Variants in TACR1 observed in about 807,000 individuals in gnomAD.
The protein encoded by TACR1 is substance-P receptor.
A neutral mutation model predicts 35.8 loss-of-function variants in TACR1; 25 were observed. That is an observed-to-expected ratio of 0.70 (90% confidence interval 0.51 to 0.98). The LOEUF (loss-of-function observed/expected upper bound fraction) is 0.98, where lower values mean the gene tolerates loss of function less well. TACR1 is among the 50% of genes least tolerant of loss of function. The pLI, the probability that TACR1 is intolerant of heterozygous loss-of-function variation, is 0.00. For synonymous variants in TACR1, 195 were observed against 206.7 expected, an observed-to-expected ratio of 0.94 and a Z score of 0.48; for missense variants, 478 against 522.9, an observed-to-expected ratio of 0.91 and a Z score of 0.84.
intron 1 of TACR1, among the ~76,000 whole-genome samples, chr2:75,184,118 A>C (rs765759070): frequency 2.0e-5 from 3 of 152,206 alleles, no homozygotes; most frequent in Non-Finnish European, 2.9e-5. Flanking sequence ...TAGTAAGTAA[A>C]TCTAATAGTG....
chr2:75,052,890 G>A (rs933047079), intron 3 of TACR1, among the ~76,000 whole-genome samples: 2 of 151,994 alleles, frequency 1.3e-5, no homozygotes, highest in Admixed American at 6.6e-5. Flanking sequence ...GAAGGCCCTC[G>A]AGAAGTTGCA....
Position 75,051,312 on chromosome 2 carries a change from T to A in TACR1, c.871A>T (p.Met291Leu). Residue 291 changes from methionine to leucine, a missense_variant, in exon 4 of 5, where the codon ATG becomes TTG. Met to Leu is a conservative substitution (Grantham distance 15). Coordinates refer to ENST00000305249, the MANE Select transcript of TACR1 (RefSeq NM_001058.4). The part of the protein sequence containing the change: ...KFIQQVYLAI[M>L]WLAMSSTMYN... ...ATGGTGGAGCTCATGGCCAGCCACA[T>A]GATGGCCAGGTAGACCTGCTGGATA... is the stretch of plus-strand genomic sequence containing the variant. 1 of 1,614,210 alleles carries A rather than the reference T, an allele frequency of 6.2e-7. No individual in the cohort carries two copies. The highest frequency in any genetic ancestry group is 8.5e-7 in the Non-Finnish European group (1 of 1,180,028).
At chr2:75,129,712 C>A (rs965828403) in intron 1 of TACR1, among the ~76,000 whole-genome samples, 2 of 152,196 alleles carry the variant, frequency 1.3e-5, no homozygotes, top group African/African-American at 4.8e-5. Flanking sequence ...TTGGGCCTGG[C>A]AGGCTATGTA....
intron 1 of TACR1, among the ~76,000 whole-genome samples, chr2:75,184,803 G>A (rs1008976889): frequency 2.0e-5 from 3 of 151,474 alleles, no homozygotes; most frequent in East Asian, 1.9e-4. Flanking sequence ...TAAAAAATGT[G>A]TGGGATCTAT....
chr2:75,123,293 T>G (rs1674007954), intron 1 of TACR1, among the ~76,000 whole-genome samples: 1 of 152,222 alleles, frequency 6.6e-6, no homozygotes, highest in Admixed American at 6.5e-5. Flanking sequence ...TACATTGCCC[T>G]CTTTTAATAT....
intron 2 of TACR1, among the ~76,000 whole-genome samples, chr2:75,056,984 A>C (rs1672580755): frequency 2.0e-5 from 3 of 152,206 alleles, no homozygotes; most frequent in African/African-American, 7.2e-5. Context: ...AACATCATTC[A>C]CGACAGCTAA....
intron 2 of TACR1, among the ~76,000 whole-genome samples, chr2:75,093,262 C>G (rs1673342840): frequency 6.6e-6 from 1 of 152,164 alleles, no homozygotes; most frequent in Non-Finnish European, 1.5e-5. Context: ...TACCTGAACA[C>G]TAAAAATTTA....
chr2:75,188,536 G>GT (rs1239952461), intron 1 of TACR1: 1 of 152,216 alleles, frequency 6.6e-6, no homozygotes, highest in Non-Finnish European at 1.5e-5. Flanking sequence ...TTAGGGCACT[G>GT]GGCTGAGCTG....
At chr2:75,080,524 C>T (rs944407590) in intron 2 of TACR1, among the ~76,000 whole-genome samples, 5 of 152,118 alleles carry the variant, frequency 3.3e-5, no homozygotes, top group African/African-American at 1.2e-4. Flanking sequence ...TTGAATTGCC[C>T]ATTATATAAG....
intron 2 of TACR1, among the ~76,000 whole-genome samples, chr2:75,066,978 C>CA (rs1200352846): frequency 1.3e-5 from 2 of 151,296 alleles, no homozygotes; most frequent in South Asian, 2.1e-4. Context: ...CCTCGTCTTA[C>CA]AAAAAAAAGG....
At chr2:75,182,835 C>T (rs1312514012) in intron 1 of TACR1, among the ~76,000 whole-genome samples, 1 of 152,156 alleles carries the variant, frequency 6.6e-6, no homozygotes, top group African/African-American at 2.4e-5. Flanking sequence ...CCCAATGACG[C>T]ATTTCTCAGA....
chr2:75,169,263 A>G (rs1293540371), intron 1 of TACR1, among the ~76,000 whole-genome samples: 1 of 152,080 alleles, frequency 6.6e-6, no homozygotes, highest in East Asian at 1.9e-4. Flanking sequence ...TGTTTCGTTT[A>G]TTCCTCCTTT....
chr2:75,125,184 C>A (rs753417472), intron 1 of TACR1, among the ~76,000 whole-genome samples: 12 of 151,272 alleles, frequency 7.9e-5, no homozygotes, highest in Non-Finnish European at 1.6e-4. Context: ...TTTTTCTATT[C>A]TTTCTTTTTT....
intron 2 of TACR1, among the ~76,000 whole-genome samples, chr2:75,055,199 A>T (rs1370786338): frequency 6.6e-6 from 1 of 152,226 alleles, no homozygotes; most frequent in African/African-American, 2.4e-5. Context: ...CTTTGTAGAT[A>T]CTGTTTGCTT....
chr2:75,170,314 G>A (rs1675246051), intron 1 of TACR1, among the ~76,000 whole-genome samples: 1 of 152,208 alleles, frequency 6.6e-6, no homozygotes, highest in Admixed American at 6.5e-5. Flanking sequence ...TGCCATGTAA[G>A]ACATGACTTT....
At chr2:75,157,268 T>C (rs1424770292) in intron 1 of TACR1, among the ~76,000 whole-genome samples, 1 of 152,066 alleles carries the variant, frequency 6.6e-6, no homozygotes, top group Non-Finnish European at 1.5e-5. Context: ...AAATTCCCTT[T>C]CCTTTCATTT....
At chr2:75,188,338 C>T (rs1219135907) in intron 1 of TACR1, 1 of 152,172 alleles carries the variant, frequency 6.6e-6, no homozygotes, top group Non-Finnish European at 1.5e-5. Context: ...GGTATTTAAG[C>T]TTATGCTCCT....
intron 1 of TACR1, among the ~76,000 whole-genome samples, chr2:75,171,631 G>A (rs1203925879): frequency 6.6e-6 from 1 of 152,192 alleles, no homozygotes; most frequent in Non-Finnish European, 1.5e-5. Flanking sequence ...ACCCTGCAAA[G>A]CCACAGGAGC....
chr2:75,098,349 A>C (rs1441274167), intron 2 of TACR1, among the ~76,000 whole-genome samples: 1 of 152,160 alleles, frequency 6.6e-6, no homozygotes, highest in African/African-American at 2.4e-5. Flanking sequence ...AGATGTTTTC[A>C]TTTTAGAATA....
Sources: gnomAD v4.1 joint callset for allele counts (sites outside exome capture counted in the v4.1 genomes callset) on GRCh38, gnomAD v4.1.1 for gene constraint, MANE v1.5 for transcripts, NCBI Gene and HGNC (gene_info 2026-07-23, HGNC 2026-07-21) for gene names.